The following MEGF10 variants were observed in gnomAD, a reference collection of about 807,000 sequenced individuals.
MEGF10 encodes the protein multiple epidermal growth factor-like domains protein 10.
Under a neutral mutation model 147.5 loss-of-function variants are expected in MEGF10, and 86 were observed. The observed-to-expected ratio is 0.58, with a 90% CI of 0.49 to 0.70. The LOEUF is 0.70. Ranked by LOEUF, MEGF10 falls within the 30% of genes least tolerant of loss-of-function variation. The probability of loss-of-function intolerance (pLI) is 0.00; values close to 1 mark genes in which losing one functional copy is unlikely to be tolerated. For missense variants in MEGF10, 1,329 were observed against 1,487.3 expected (o/e 0.89, Z 1.75); for synonymous variants, 478 against 525.5 (o/e 0.91, Z 1.24).
At chr5:127,271,659 A>C in the MEGF10 span, among the ~76,000 whole-genome samples, 1 of 151,862 alleles carries the variant, frequency 6.6e-6, no homozygotes, top group South Asian at 2.1e-4. Context: ...ATAGTGAGTG[A>C]GTTCTTACAA....
At chr5:127,387,311 C>T (rs1341835161) in intron 5 of MEGF10, among the ~76,000 whole-genome samples, 2 of 152,274 alleles carry the variant, frequency 1.3e-5, no homozygotes, top group South Asian at 2.1e-4. Context: ...ACTAGATTCT[C>T]TCCATGTGTT....
intron 16 of MEGF10, among the ~76,000 whole-genome samples, 186 bp from the exon 17 acceptor site, chr5:127,438,253 A>C (rs1765629467): frequency 6.6e-6 from 1 of 152,230 alleles, no homozygotes; most frequent in African/African-American, 2.4e-5. Flanking sequence ...CAATAATGAC[A>C]GTCGTTGTTG....
At chr5:127,371,090 C>T (rs150569270) in intron 5 of MEGF10, among the ~76,000 whole-genome samples, 1 of 152,098 alleles carries the variant, frequency 6.6e-6, no homozygotes, top group Non-Finnish European at 1.5e-5. Flanking sequence ...TCTCTTGGCT[C>T]TCCTTGAAGC....
At chr5:127,344,037 T>A (rs950597023) in intron 4 of MEGF10, among the ~76,000 whole-genome samples, 3 of 152,186 alleles carry the variant, frequency 2.0e-5, no homozygotes, top group African/African-American at 7.2e-5. Context: ...TCTATTCTAC[T>A]TGTCCATATA....
chr5:127,283,777 T>A, the MEGF10 span, among the ~76,000 whole-genome samples: 1 of 152,336 alleles, frequency 6.6e-6, no homozygotes, highest in East Asian at 1.9e-4. Context: ...GAGAGGGCAT[T>A]ACATATGGTA....
chr5:127,363,638 A>G (rs2126846964), intron 4 of MEGF10, among the ~76,000 whole-genome samples: 1 of 152,340 alleles, frequency 6.6e-6, no homozygotes, highest in South Asian at 2.1e-4. Flanking sequence ...ATAAAGGTTG[A>G]AGGTTAGACA....
chr5:127,357,379 G>A (rs1319013909), intron 4 of MEGF10, among the ~76,000 whole-genome samples: 1 of 152,054 alleles, frequency 6.6e-6, no homozygotes, highest in Non-Finnish European at 1.5e-5. Flanking sequence ...ATAACTACAT[G>A]ATCGGTTAAT....
At chr5:127,434,557 T>C in intron 14 of MEGF10, 130 bp from the exon 15 acceptor site, 1 of 1,008,602 alleles carries the variant, frequency 9.9e-7, no homozygotes, top group South Asian at 2.1e-5. Context: ...CTTGGAAAAT[T>C]CTCCGTATCT....
At chr5:127,409,230 G>A (rs1580831272) in intron 8 of MEGF10, among the ~76,000 whole-genome samples, 1 of 152,214 alleles carries the variant, frequency 6.6e-6, no homozygotes, top group East Asian at 1.9e-4. Flanking sequence ...TTTTAAGTGT[G>A]CTTGAATTTG....
At chr5:127,417,169 G>C (rs1473847436) in intron 9 of MEGF10, among the ~76,000 whole-genome samples, 1 of 152,202 alleles carries the variant, frequency 6.6e-6, no homozygotes, top group Non-Finnish European at 1.5e-5. Flanking sequence ...GGTCAATGCG[G>C]CTGCTGTTTC....
At chr5:127,362,120 TCTC>T (rs1271635908) in intron 4 of MEGF10, among the ~76,000 whole-genome samples, 13 of 152,086 alleles carry the variant, frequency 8.5e-5, no homozygotes, top group Non-Finnish European at 1.5e-4. Flanking sequence ...GTTATTCAAA[TCTC>T]CTGCTTTAAT....
chr5:127,322,535 C>T (rs568961027), intron 1 of MEGF10, among the ~76,000 whole-genome samples: 2 of 152,270 alleles, frequency 1.3e-5, no homozygotes, highest in Admixed American at 1.3e-4. Flanking sequence ...CCTCCTTTGA[C>T]CCTAATCACA....
chr5:127,317,287 G>A (rs966718490), intron 1 of MEGF10, among the ~76,000 whole-genome samples: 6 of 152,142 alleles, frequency 3.9e-5, no homozygotes, highest in Non-Finnish European at 5.9e-5. Flanking sequence ...CCGCTCTGAT[G>A]GTAGTTTCTT....
chr5:127,408,442 A>G (rs1764417333), intron 8 of MEGF10, among the ~76,000 whole-genome samples: 1 of 152,334 alleles, frequency 6.6e-6, no homozygotes, highest in African/African-American at 2.4e-5. Context: ...ATTGTACTTA[A>G]GCATTTATTT....
intron 8 of MEGF10, among the ~76,000 whole-genome samples, chr5:127,407,120 G>A (rs555081813): frequency 1.1e-4 from 16 of 152,342 alleles, no homozygotes; most frequent in East Asian, 3.9e-4. Context: ...AGCATTGGTC[G>A]TCAATGGAGG....
intron 5 of MEGF10, among the ~76,000 whole-genome samples, chr5:127,381,078 T>C (rs755315756): frequency 1.3e-5 from 2 of 152,140 alleles, no homozygotes; most frequent in Non-Finnish European, 2.9e-5. Context: ...CTTGTTTGAG[T>C]GGAGAATATT....
intron 5 of MEGF10, among the ~76,000 whole-genome samples, chr5:127,374,114 T>C (rs769975741): frequency 2.0e-5 from 3 of 152,214 alleles, no homozygotes; most frequent in African/African-American, 4.8e-5. Context: ...AGCTTGGTTC[T>C]GGATAAGCAA....
intron 9 of MEGF10, among the ~76,000 whole-genome samples, chr5:127,415,782 A>G (rs1389567389): frequency 6.6e-6 from 1 of 151,638 alleles, no homozygotes; most frequent in African/African-American, 2.4e-5. Context: ...ACACGCCTGT[A>G]ATCCCAGCTA....
chr5:127,403,926 T>C (rs187641668), intron 8 of MEGF10, among the ~76,000 whole-genome samples: 5 of 152,350 alleles, frequency 3.3e-5, no homozygotes, highest in Admixed American at 3.3e-4. Flanking sequence ...ATCACTTCCA[T>C]ATACTGATTT....
Sources: gnomAD v4.1 joint callset for allele counts (sites outside exome capture counted in the v4.1 genomes callset) on GRCh38, gnomAD v4.1.1 for gene constraint, MANE v1.5 for transcripts, NCBI Gene and HGNC (gene_info 2026-07-23, HGNC 2026-07-21) for gene names.